The following GRM5 variants were observed in gnomAD, a reference collection of about 807,000 sequenced individuals.
GRM5 encodes metabotropic glutamate receptor 5.
GRM5 carries 19 observed loss-of-function variants against 83.1 expected under a neutral mutation model. That is an observed-to-expected ratio of 0.23 (90% CI 0.16 to 0.34). The LOEUF (loss-of-function observed/expected upper bound fraction) is 0.34, where lower values mean the gene tolerates loss of function less well. Among genes scored for constraint, GRM5 ranks in the 10% least tolerant of loss-of-function variants. The pLI, the probability that GRM5 is intolerant of heterozygous loss-of-function variation, is 1.00. For synonymous variants in GRM5, 675 were observed against 633.6 expected (o/e 1.07, Z -0.98); for missense variants, 1,160 against 1,588.3 (o/e 0.73, Z 4.58).
chr11:88,663,571 T>G (rs181584459), intron 3 of GRM5, among the ~76,000 whole-genome samples: 1 of 152,290 alleles, frequency 6.6e-6, no homozygotes, highest in Admixed American at 6.5e-5. Flanking sequence ...TATATAACCT[T>G]GTCTGTTTTT....
chr11:88,768,620 T>TA (rs1942668668), intron 3 of GRM5, among the ~76,000 whole-genome samples: 1 of 73,410 alleles, frequency 1.4e-5, no homozygotes, highest in Non-Finnish European at 3.2e-5. Context: ...GAACCACCTA[T>TA]AAAAATTGAA....
intron 2 of GRM5, among the ~76,000 whole-genome samples, chr11:89,043,995 T>C (rs1941587842): frequency 1.3e-5 from 2 of 152,112 alleles, no homozygotes; most frequent in South Asian, 4.1e-4. Flanking sequence ...AATTATCAAG[T>C]CAAAAGCAAA....
At chr11:88,778,344 T>C (rs1006956297) in intron 3 of GRM5, among the ~76,000 whole-genome samples, 3 of 152,320 alleles carry the variant, frequency 2.0e-5, no homozygotes, top group African/African-American at 7.2e-5. Flanking sequence ...GTCCCGTTTT[T>C]CCACATAGTC....
At position 88,508,602 on chromosome 11, in the gene GRM5, G is replaced by A. The variant is rs148163807; in HGVS notation, c.3629C>T (p.Ser1210Leu). Residue 1210 changes from serine to leucine, a missense_variant, in exon 10 of 10, where the codon TCG becomes TTG. Ser to Leu is a moderately radical substitution (Grantham distance 145). Transcript: ENST00000305447. The surrounding 1 kb of genome is among the most constrained non-coding windows in gnomAD (Gnocchi z 4.2). ...LIIRDYTQSS[S>L]SL is the part of the protein sequence containing the mutation. Reference sequence around the variant, plus strand: ...GCTTTCCAGGGACATTCACAACGACGAGGAGCTCTGAGTGTAATCTCTTAT... The same window carrying A: ...GCTTTCCAGGGACATTCACAACGACAAGGAGCTCTGAGTGTAATCTCTTAT... 6 of 1,607,962 alleles carry A rather than the reference G, an allele frequency of 3.7e-6. No individual in the cohort carries two copies. The African/African-American group carries it at 5.4e-5, about 14-fold the overall frequency.
chr11:88,636,323 C>G (rs1214805491), intron 4 of GRM5, among the ~76,000 whole-genome samples: 1 of 152,112 alleles, frequency 6.6e-6, no homozygotes, highest in Non-Finnish European at 1.5e-5. Flanking sequence ...AACAGCCTGG[C>G]CAACATGGTG....
chr11:88,715,803 C>T (rs936052061), intron 3 of GRM5, among the ~76,000 whole-genome samples: 4 of 151,844 alleles, frequency 2.6e-5, no homozygotes, highest in African/African-American at 4.8e-5. Context: ...GTTTTATTTT[C>T]GGTGGAAAGA....
chr11:88,921,628 T>TAA lies in GRM5; in HGVS notation c.662-71475_662-71474dup, dbSNP rs34473737. Among the ~76,000 whole-genome samples the TAA allele has an allele frequency of 2.3e-3, 342 of 148,832 alleles. 2 individuals are homozygous for TAA. Among genetic ancestry groups the TAA allele is most frequent in the African/African-American group, 6.8e-3 (276 of 40,576 alleles). ...CTGGGAGACAGAGTGAGACTCCATT[T>TAA]AAAAAAAAAAATACTGGGCTTAGAA... On this transcript the variant is annotated intron_variant, in intron 2 of 9. Transcript: ENST00000305447.
intron 3 of GRM5, among the ~76,000 whole-genome samples, chr11:88,758,667 T>C (rs760287411): frequency 7.2e-5 from 11 of 152,168 alleles, no homozygotes; most frequent in Non-Finnish European, 1.6e-4. Context: ...GGAAAGCATA[T>C]TTCAGGATAT....
intron 2 of GRM5, among the ~76,000 whole-genome samples, chr11:88,948,077 G>A (rs913867004): frequency 4.6e-5 from 7 of 152,044 alleles, no homozygotes; most frequent in African/African-American, 1.7e-4. Context: ...AGGGGAGCTT[G>A]GGACAACCTA....
At position 88,888,592 on chromosome 11, in the gene GRM5, C is replaced by T. The variant is rs571601049; in HGVS notation, c.662-38437G>A. On this transcript the variant is annotated intron_variant, in intron 2 of 9. Transcript: ENST00000305447. ...CAGTTGAGCTGGGGGAGAAAGAAAACCCAGAAGCATGACATGCCGGCAAAA... is the reference window on the plus strand; with the variant it reads ...CAGTTGAGCTGGGGGAGAAAGAAAATCCAGAAGCATGACATGCCGGCAAAA... Among the ~76,000 whole-genome samples the T allele has an allele frequency of 9.9e-5, 15 of 152,206 alleles. 1 individual carries two copies. The highest frequency in any genetic ancestry group is 9.8e-4 in the Admixed American group (15 of 15,280).
At chr11:88,533,356 AT>A (rs1942059518) in intron 8 of GRM5, among the ~76,000 whole-genome samples, 2 of 152,162 alleles carry the variant, frequency 1.3e-5, no homozygotes, top group African/African-American at 4.8e-5. Flanking sequence ...TTCATTAAAA[AT>A]ATCCTCAAAG....
intron 2 of GRM5, among the ~76,000 whole-genome samples, chr11:88,926,874 T>G (rs1945798530): frequency 1.3e-5 from 2 of 152,216 alleles, no homozygotes; most frequent in African/African-American, 4.8e-5. Flanking sequence ...GTTCAATGAT[T>G]GAGTGAATCT....
At chr11:88,658,431 T>C (rs1027124982) in intron 3 of GRM5, among the ~76,000 whole-genome samples, 9 of 152,172 alleles carry the variant, frequency 5.9e-5, no homozygotes, top group Admixed American at 5.2e-4. Flanking sequence ...AGGAGCAGTG[T>C]ATATTTTGAA....
At chr11:88,799,733 C>T (rs1055569274) in intron 3 of GRM5, among the ~76,000 whole-genome samples, 5 of 152,112 alleles carry the variant, frequency 3.3e-5, no homozygotes, top group African/African-American at 7.2e-5. Flanking sequence ...TTTGTGTATC[C>T]ATGGTCACAG....
At chr11:88,663,585 T>C (rs1055011883) in intron 3 of GRM5, among the ~76,000 whole-genome samples, 1 of 152,206 alleles carries the variant, frequency 6.6e-6, no homozygotes, top group Non-Finnish European at 1.5e-5. Context: ...TGTTTTTTCA[T>C]GAAGTTTCCT....
chr11:88,893,433 G>T (rs549500615), intron 2 of GRM5, among the ~76,000 whole-genome samples: 1 of 152,078 alleles, frequency 6.6e-6, no homozygotes, highest in Admixed American at 6.6e-5. Context: ...GTCCTAAAAA[G>T]AATAGTTGGT....
chr11:88,619,887 C>T (rs527526200), intron 4 of GRM5, among the ~76,000 whole-genome samples: 12 of 152,132 alleles, frequency 7.9e-5, no homozygotes, highest in African/African-American at 2.9e-4. Flanking sequence ...GAAAACACCA[C>T]TGGATAACAT....
chr11:88,915,410 A>T (rs943176872), intron 2 of GRM5, among the ~76,000 whole-genome samples: 14 of 152,140 alleles, frequency 9.2e-5, no homozygotes, highest in African/African-American at 3.4e-4. Context: ...GTCATATTAG[A>T]ATAAATTAGT....
chr11:88,628,225 A>G (rs1205213398), intron 4 of GRM5, among the ~76,000 whole-genome samples: 1 of 152,144 alleles, frequency 6.6e-6, no homozygotes, highest in African/African-American at 2.4e-5. Flanking sequence ...ACTATTTTCT[A>G]CTTATCATGT....
Sources: gnomAD v4.1 joint callset for allele counts (sites outside exome capture counted in the v4.1 genomes callset) on GRCh38, gnomAD v4.1.1 for gene constraint, Gnocchi (gnomAD v3.1) non-coding constraint, MANE v1.5 for transcripts, NCBI Gene and HGNC (gene_info 2026-07-23, HGNC 2026-07-21) for gene names.